CHD7: variants seen among roughly 807,000 people sequenced by gnomAD.
The protein encoded by CHD7 is ATP-dependent chromatin remodeler CHD7.
A neutral mutation model predicts 307.3 loss-of-function variants in CHD7; 24 were observed. That is an observed-to-expected ratio of 0.08 (90% CI 0.06 to 0.11). The LOEUF is 0.11. Ranked by LOEUF, CHD7 falls within the 10% of genes least tolerant of loss-of-function variation. CHD7 has a pLI of 1.00. For missense variants in CHD7, 3,106 were observed against 3,727.1 expected (o/e 0.83, Z 4.34); for synonymous variants, 1,363 against 1,349.9 (o/e 1.01, Z -0.21).
rs530744218 is a variant in CHD7 at position 60,780,195 on chromosome 8, C to T, written c.1666-805C>T. ...CAGGAGTCACTTCCTCTGATCTTGGCTGACCACTCAGAATCCCATTCTAAA... is the reference window on the plus strand; with the variant it reads ...CAGGAGTCACTTCCTCTGATCTTGGTTGACCACTCAGAATCCCATTCTAAA... On this transcript the variant is annotated intron_variant, in intron 2 of 37. Coordinates refer to ENST00000423902, the MANE Select transcript of CHD7 (RefSeq NM_017780.4). Among the ~76,000 whole-genome samples, 8 of 152,250 alleles carry T rather than the reference C, an allele frequency of 5.3e-5. No individual in the cohort carries two copies. The South Asian group carries it at 1.7e-3, about 32-fold the overall frequency.
intron 3 of CHD7, among the ~76,000 whole-genome samples, chr8:60,790,284 C>T (rs11986742): frequency 0.78 from 118,353 of 152,020 alleles, 46,296 homozygotes; most frequent in East Asian, 0.94. Flanking sequence ...CTCTACGTCT[C>T]TCTAGCCTCG....
chr8:60,816,913 T>A (rs572939990), intron 8 of CHD7, among the ~76,000 whole-genome samples: 6 of 152,340 alleles, frequency 3.9e-5, no homozygotes, highest in African/African-American at 1.4e-4. Context: ...TTTGTTGAAG[T>A]CAATGCCTAA....
At chr8:60,684,930 G>A (rs1436526688) in intron 1 of CHD7, among the ~76,000 whole-genome samples, 4 of 152,154 alleles carry the variant, frequency 2.6e-5, no homozygotes, top group Admixed American at 1.3e-4. Context: ...GTGGCCATGG[G>A]GATGGAGAGA....
At chr8:60,684,469 T>G (rs1175879758) in intron 1 of CHD7, among the ~76,000 whole-genome samples, 1 of 152,218 alleles carries the variant, frequency 6.6e-6, no homozygotes, top group Non-Finnish European at 1.5e-5. Flanking sequence ...CTAGAGCTAC[T>G]GTAAGGTCAT....
rs750965184 is a variant in CHD7 at position 60,836,295 on chromosome 8, C to T, written c.3989+12C>T. 1.9e-6 allele frequency: 3 copies of T among 1,608,452 alleles called. No homozygotes were observed. The highest frequency in any genetic ancestry group is 2.6e-6 in the Non-Finnish European group (3 of 1,175,996). The stretch of plus-strand genomic sequence containing the variant: ...CTCATTCAAAGACGGTGAGGACCAC[C>T]ATATCAGAATAATAAAAAGGAAATC... On this transcript the variant is annotated intron_variant, in intron 16 of 37. Transcript: ENST00000423902.
At chr8:60,724,129 C>G (rs1186372984) in intron 1 of CHD7, among the ~76,000 whole-genome samples, 1 of 152,188 alleles carries the variant, frequency 6.6e-6, no homozygotes, top group Admixed American at 6.5e-5. Context: ...GCAGGATTCC[C>G]TTCATTATCT....
At chr8:60,720,679 T>C (rs1807854766) in intron 1 of CHD7, among the ~76,000 whole-genome samples, 1 of 152,204 alleles carries the variant, frequency 6.6e-6, no homozygotes, top group Non-Finnish European at 1.5e-5. Context: ...AAGACGGCTG[T>C]CTCTGAAAGC....
At chr8:60,699,473 G>A (rs1234892130) in intron 1 of CHD7, among the ~76,000 whole-genome samples, 3 of 152,094 alleles carry the variant, frequency 2.0e-5, no homozygotes, top group Non-Finnish European at 4.4e-5. Flanking sequence ...CACCTAGAGG[G>A]AGCCAGCGTA....
At chr8:60,832,841 C>T (rs566194040) in intron 15 of CHD7, among the ~76,000 whole-genome samples, 13 of 152,242 alleles carry the variant, frequency 8.5e-5, no homozygotes, top group African/African-American at 2.2e-4. Context: ...CATATTTGTT[C>T]GCGAGGAGCC....
chr8:60,803,149 A>G (rs1812389773), intron 6 of CHD7, among the ~76,000 whole-genome samples: 1 of 152,202 alleles, frequency 6.6e-6, no homozygotes, highest in African/African-American at 2.4e-5. Context: ...TGAATTGTAG[A>G]TATACAGTAA....
chr8:60,799,165 T>C (rs1234846673), intron 4 of CHD7, among the ~76,000 whole-genome samples: 1 of 152,276 alleles, frequency 6.6e-6, no homozygotes, highest in African/African-American at 2.4e-5. Context: ...CAACATTTTT[T>C]ATTTATCTTA....
intron 1 of CHD7, among the ~76,000 whole-genome samples, chr8:60,688,510 A>G (rs1806028763): frequency 6.6e-6 from 1 of 152,202 alleles, no homozygotes. Flanking sequence ...ATTTTTCTTC[A>G]GGAGAAGACA....
At position 60,865,613 on chromosome 8, in the gene CHD7, C is replaced by A. The variant is rs1806208860; in HGVS notation, c.8674C>A (p.Pro2892Thr). 6.2e-7 allele frequency: 1 copy of A among 1,613,706 alleles called. No individual in the cohort carries two copies. Among genetic ancestry groups the A allele is most frequent in the Non-Finnish European group, 8.5e-7 (1 of 1,179,630 alleles). The part of the protein sequence containing the change: ...GLPSNPLAFN[P>T]FLLSTMAPGL... ...GCCCTCAAACCCGCTAGCCTTCAAC[C>A]CTTTCCTCCTGTCCACAATGGCCCC... Residue 2892 changes from proline (P) to threonine (T), a missense_variant, in exon 38 of 38, where the codon CCT becomes ACT. Coordinates refer to ENST00000423902, the MANE Select transcript of CHD7 (RefSeq NM_017780.4). The surrounding 1 kb of genome is among the most constrained non-coding windows in gnomAD (Gnocchi z 4.3).
At chr8:60,732,999 C>G (rs1218438000) in intron 1 of CHD7, among the ~76,000 whole-genome samples, 2 of 152,030 alleles carry the variant, frequency 1.3e-5, no homozygotes, top group African/African-American at 2.4e-5. Context: ...CTTTAAGAGG[C>G]TGAGGCAGGA....
intron 6 of CHD7, among the ~76,000 whole-genome samples, chr8:60,807,750 G>A (rs900006430): frequency 2.6e-5 from 4 of 152,202 alleles, no homozygotes; most frequent in Non-Finnish European, 4.4e-5. Context: ...TTAAGTATAT[G>A]GAGAAATAAA....
At chr8:60,734,782 A>G (rs899760070) in intron 1 of CHD7, among the ~76,000 whole-genome samples, 6 of 152,200 alleles carry the variant, frequency 3.9e-5, no homozygotes, top group Non-Finnish European at 7.3e-5. Context: ...GGATTTGATT[A>G]TTAGTGCCTT....
intron 15 of CHD7, among the ~76,000 whole-genome samples, chr8:60,832,710 A>G (rs968054173): frequency 2.0e-5 from 3 of 152,220 alleles, no homozygotes; most frequent in Admixed American, 1.3e-4. Context: ...AGTTCCATCA[A>G]GTTTACCCTG....
At chr8:60,689,496 G>A (rs1471450471) in intron 1 of CHD7, among the ~76,000 whole-genome samples, 1 of 152,240 alleles carries the variant, frequency 6.6e-6, no homozygotes. Context: ...TTAATGAGTA[G>A]TGTTGGGACT....
intron 1 of CHD7, among the ~76,000 whole-genome samples, chr8:60,714,465 G>T (rs1807473866): frequency 7.1e-6 from 1 of 140,604 alleles, no homozygotes. Context: ...GCTGAGACTG[G>T]GAGCGAAGTG....
Sources: gnomAD v4.1 joint callset for allele counts (sites outside exome capture counted in the v4.1 genomes callset) on GRCh38, gnomAD v4.1.1 for gene constraint, Gnocchi (gnomAD v3.1) non-coding constraint, MANE v1.5 for transcripts, NCBI Gene and HGNC (gene_info 2026-07-23, HGNC 2026-07-21) for gene names.